PAK3: variants seen among roughly 807,000 people sequenced by gnomAD.
PAK3 encodes the protein serine/threonine-protein kinase PAK 3.
PAK3 carries 4 observed loss-of-function variants against 41.0 expected under a neutral mutation model. The ratio of observed to expected loss-of-function variants is 0.10; its 90% CI spans 0.05 to 0.22. The LOEUF is 0.22. PAK3 is among the 10% of genes least tolerant of loss of function. The pLI is 1.00. For synonymous variants in PAK3, 146 were observed against 139.6 expected (o/e 1.05, Z -0.32); for missense variants, 205 against 409.9 (o/e 0.50, Z 4.32).
chrX:111,127,901 A>G (rs1390554804), intron 5 of PAK3, among the ~76,000 whole-genome samples: 1 of 112,026 alleles, frequency 8.9e-6, no homozygotes, highest in Non-Finnish European at 1.9e-5. Flanking sequence ...CCTGACATCC[A>G]TCTTGGAACA....
chrX:111,010,859 C>T (rs1044158079), intron 1 of PAK3, among the ~76,000 whole-genome samples: 2 of 112,101 alleles, frequency 1.8e-5, no homozygotes, highest in Admixed American at 1.9e-4. Flanking sequence ...GCCAACTTCT[C>T]TGAACTCCTA....
intron 1 of PAK3, among the ~76,000 whole-genome samples, chrX:111,037,934 T>C (rs1267505130): frequency 1.8e-5 from 2 of 111,370 alleles, no homozygotes; most frequent in African/African-American, 3.3e-5. Flanking sequence ...TGCAACATAG[T>C]GATTACAATC....
intron 1 of PAK3, among the ~76,000 whole-genome samples, chrX:111,006,849 C>CTTTCTTTCTTTT (rs1556434441): frequency 1.2e-3 from 50 of 42,667 alleles, no homozygotes; most frequent in East Asian, 1.9e-3. Flanking sequence ...TTCTTTCTTT[C>CTTTCTTTCTTTT]TTTTTTTTTT....
chrX:111,126,146 A>G (rs1266959355), intron 5 of PAK3, among the ~76,000 whole-genome samples: 1 of 111,713 alleles, frequency 9.0e-6, no homozygotes, highest in Non-Finnish European at 1.9e-5. Context: ...CACTACCATA[A>G]TGAGTGATAG....
chrX:111,021,614 G>A (rs2092183710), intron 1 of PAK3, among the ~76,000 whole-genome samples: 1 of 110,585 alleles, frequency 9.0e-6, no homozygotes, highest in South Asian at 3.9e-4. Context: ...GACAAAACAA[G>A]GTTCTTTAAC....
At chrX:111,216,635 T>C (rs1224060626) in intron 17 of PAK3, 77 bp downstream of exon 17, 1 of 816,372 alleles carries the variant, frequency 1.2e-6, no homozygotes, top group East Asian at 3.2e-5. Flanking sequence ...CAGAGAGCTC[T>C]GTCAAGAGAT....
chrX:110,963,903 G>A (rs1220913474), intron 1 of PAK3, among the ~76,000 whole-genome samples: 3 of 112,182 alleles, frequency 2.7e-5, no homozygotes, highest in East Asian at 5.6e-4. Flanking sequence ...TAAACTTACT[G>A]CTTTAAGTTC....
At chrX:111,062,470 T>C (rs1197691160) in intron 1 of PAK3, among the ~76,000 whole-genome samples, 1 of 112,328 alleles carries the variant, frequency 8.9e-6, no homozygotes, top group Non-Finnish European at 1.9e-5. Context: ...CATGGGCCCC[T>C]GGGCTGAAGA....
intron 6 of PAK3, among the ~76,000 whole-genome samples, chrX:111,145,826 G>A (rs1454635011): frequency 8.9e-6 from 1 of 111,846 alleles, no homozygotes; most frequent in Non-Finnish European, 1.9e-5. Flanking sequence ...CACTAAAATG[G>A]AAATTATATA....
chrX:111,185,265 G>A (rs2094498922), intron 11 of PAK3, among the ~76,000 whole-genome samples: 1 of 111,197 alleles, frequency 9.0e-6, no homozygotes, highest in South Asian at 3.8e-4. Flanking sequence ...TGTAAATTTT[G>A]TTTAAGTTCC....
At chrX:111,178,297 C>T (rs1422036367) in intron 11 of PAK3, among the ~76,000 whole-genome samples, 1 of 110,923 alleles carries the variant, frequency 9.0e-6, no homozygotes, top group Non-Finnish European at 1.9e-5. Context: ...ATATCTGTGC[C>T]GGCATGTATT....
intron 1 of PAK3, among the ~76,000 whole-genome samples, chrX:111,023,387 A>G (rs1165466338): frequency 1.8e-5 from 2 of 112,111 alleles, no homozygotes; most frequent in African/African-American, 6.5e-5. Flanking sequence ...CATGATTTAT[A>G]ATCCTTTGGG....
intron 5 of PAK3, among the ~76,000 whole-genome samples, chrX:111,125,889 G>A (rs2093641600): frequency 8.9e-6 from 1 of 111,743 alleles, no homozygotes; most frequent in South Asian, 3.8e-4. Flanking sequence ...GCTACCTTCA[G>A]ACAAAGATTG....
chrX:111,201,971 A>T (rs776808612), intron 16 of PAK3, among the ~76,000 whole-genome samples: 2 of 110,680 alleles, frequency 1.8e-5, no homozygotes, highest in South Asian at 7.8e-4. Flanking sequence ...CTAAGAACAT[A>T]TCCTTCATGA....
chrX:111,053,001 G>A (rs1056869671), intron 1 of PAK3, among the ~76,000 whole-genome samples: 5 of 112,160 alleles, frequency 4.5e-5, no homozygotes, highest in African/African-American at 1.3e-4. Flanking sequence ...ACTTTTGATA[G>A]ACGCACAGCA....
chrX:111,081,400 C>T (rs1186705531), intron 1 of PAK3, among the ~76,000 whole-genome samples: 1 of 110,900 alleles, frequency 9.0e-6, no homozygotes, highest in Admixed American at 9.6e-5. Context: ...CTCCCAGCTA[C>T]AGGCAGAAGT....
intron 1 of PAK3, among the ~76,000 whole-genome samples, chrX:111,009,595 C>G (rs902331114): frequency 8.9e-6 from 1 of 111,952 alleles, no homozygotes; most frequent in Non-Finnish European, 1.9e-5. Context: ...TATCTTTGGC[C>G]TCCCCGTTAT....
At chrX:111,022,489 G>A (rs992352841) in intron 1 of PAK3, among the ~76,000 whole-genome samples, 5 of 111,263 alleles carry the variant, frequency 4.5e-5, no homozygotes, top group South Asian at 3.8e-4. Flanking sequence ...AAGAGAATTC[G>A]CCACTACTAA....
chrX:111,109,644 G>A (rs369168157), intron 4 of PAK3, among the ~76,000 whole-genome samples: 73 of 111,782 alleles, frequency 6.5e-4, no homozygotes, highest in African/African-American at 2.4e-3. Flanking sequence ...AAACTTGTGG[G>A]GGTGGTGAGT....
Sources: gnomAD v4.1 joint callset for allele counts (sites outside exome capture counted in the v4.1 genomes callset) on GRCh38, gnomAD v4.1.1 for gene constraint, MANE v1.5 for transcripts, NCBI Gene and HGNC (gene_info 2026-07-23, HGNC 2026-07-21) for gene names.